CCDC174: variants seen among roughly 807,000 people sequenced by gnomAD.
CCDC174 encodes coiled-coil domain containing 174.
CCDC174 carries 37 observed loss-of-function variants against 57.1 expected under a neutral mutation model. That is an observed-to-expected ratio of 0.65 (90% CI 0.50 to 0.85). CCDC174 has a LOEUF of 0.85. CCDC174 is among the 40% of genes least tolerant of loss of function. CCDC174 has a pLI of 0.00. For missense variants in CCDC174, 540 were observed against 574.3 expected (o/e 0.94, Z 0.61); for synonymous variants, 182 against 190.2 (o/e 0.96, Z 0.35).
chr3:14,660,957 G>C (rs2031112350), intron 4 of CCDC174, among the ~76,000 whole-genome samples: 1 of 152,238 alleles, frequency 6.6e-6, no homozygotes, highest in African/African-American at 2.4e-5. Flanking sequence ...TGCAGGCAGA[G>C]GGTGTCTTGC....
intron 5 of CCDC174, among the ~76,000 whole-genome samples, chr3:14,664,719 T>G (rs952316500): frequency 6.6e-6 from 1 of 152,240 alleles, no homozygotes; most frequent in African/African-American, 2.4e-5. Context: ...TTGTCTCAAC[T>G]AGGTTAAAGT....
chr3:14,668,259 T>C, intron 9 of CCDC174, 78 bp downstream of exon 9: 1 of 1,380,590 alleles, frequency 7.2e-7, no homozygotes, highest in Non-Finnish European at 9.9e-7. Context: ...GGGCTGGCAA[T>C]GTGAAAATTA....
chr3:14,664,983 A>C, intron 5 of CCDC174, 45 bp from the exon 6 acceptor site: 1 of 1,389,920 alleles, frequency 7.2e-7, no homozygotes, highest in Non-Finnish European at 1.0e-6. Flanking sequence ...AGGGGCTTGT[A>C]CATGTGTACA....
intron 6 of CCDC174, 93 bp from the exon 7 acceptor site, chr3:14,666,708 CAAAT>C (rs1371964423): frequency 1.0e-6 from 1 of 963,584 alleles, no homozygotes; most frequent in Non-Finnish European, 1.5e-6. Flanking sequence ...TTTTCTTTAT[CAAAT>C]AGTGTTACTT....
intron 1 of CCDC174, among the ~76,000 whole-genome samples, chr3:14,652,754 T>C (rs2124827166): frequency 6.6e-6 from 1 of 151,952 alleles, no homozygotes; most frequent in East Asian, 1.9e-4. Context: ...ATAAAAAAAT[T>C]AGCCGGGCGT....
intron 3 of CCDC174, 50 bp downstream of exon 3, chr3:14,655,679 C>G (rs745353581): frequency 1.7e-6 from 2 of 1,211,900 alleles, no homozygotes; most frequent in East Asian, 2.4e-5. Context: ...GCTACCCAGG[C>G]AGAGAAATGG....
Position 14,667,270 on chromosome 3 carries a change from G to A in CCDC174, c.725-154G>A. ...TTGGTCTAACTTTTGTGTTTCTTTG[G>A]TTTTTTGTTTCTTCGCTTAGCTGTT... On this transcript the variant is annotated intron_variant, in intron 7 of 10. Coordinates refer to ENST00000383794, the MANE Select transcript of CCDC174 (RefSeq NM_016474.5). 3.0e-6 allele frequency: 2 copies of A among 676,732 alleles called. 1 individual carries two copies. Among genetic ancestry groups the A allele is most frequent in the Non-Finnish European group, 5.0e-6 (2 of 398,788 alleles). 41.9% of individuals were successfully genotyped at this position (676,732 alleles called of 1,614,324 possible).
chr3:14,664,513 TAAG>T (rs2031254048), intron 5 of CCDC174, among the ~76,000 whole-genome samples: 1 of 152,158 alleles, frequency 6.6e-6, no homozygotes, highest in African/African-American at 2.4e-5. Flanking sequence ...TCCTCCTAAT[TAAG>T]AAGAGTCCAA....
At chr3:14,658,388 C>T (rs908321107) in intron 3 of CCDC174, among the ~76,000 whole-genome samples, 2 of 152,344 alleles carry the variant, frequency 1.3e-5, no homozygotes, top group Non-Finnish European at 2.9e-5. Flanking sequence ...CTTCTCTTTA[C>T]CATCATTAAG....
At chr3:14,655,448 GT>G (rs74694927) in intron 2 of CCDC174, 80 bp from the exon 3 acceptor site, 7,634 of 662,772 alleles carry the variant, frequency 0.012, no homozygotes, top group South Asian at 0.017. Flanking sequence ...GATCTCCTTT[GT>G]TTTTTTTTTT....
At chr3:14,655,415 T>G in intron 2 of CCDC174, 114 bp from the exon 3 acceptor site, 1 of 608,392 alleles carries the variant, frequency 1.6e-6, no homozygotes, top group South Asian at 2.4e-5. Context: ...TCTAGTTATC[T>G]CCATTGATTC....
At chr3:14,655,472 G>A (rs893916592) in intron 2 of CCDC174, 57 bp from the exon 3 acceptor site, 94 of 1,063,048 alleles carry the variant, frequency 8.8e-5, no homozygotes, top group Non-Finnish European at 1.2e-4. Context: ...TGATGCACAA[G>A]TAGAGATTTT....
In CCDC174 at chr3:14,669,990, C is replaced by T; in HGVS notation, c.1009C>T (p.Pro337Ser). Residue 337 changes from proline (P) to serine (S), a missense_variant, in exon 10 of 11, where the codon CCT (proline) becomes TCT (serine). Transcript: ENST00000383794. ...PEPEAVPTPR[P>S]AAQSSKVEVI... is the part of the protein sequence containing the mutation. ...GCCAGAGGCTGTGCCAACCCCACGT[C>T]CTGCTGCCCAGAGTAGCAAAGTAGA... 1 of 1,613,392 alleles carries T rather than the reference C, an allele frequency of 6.2e-7. No individual in the cohort carries two copies. The highest frequency in any genetic ancestry group is 8.5e-7 in the Non-Finnish European group (1 of 1,179,812).
At chr3:14,667,051 T>G in intron 7 of CCDC174, 104 bp downstream of exon 7, 1 of 977,630 alleles carries the variant, frequency 1.0e-6, no homozygotes, top group Non-Finnish European at 1.5e-6. Context: ...ACATGGAAAT[T>G]AAAGATCCTG....
chr3:14,667,533 C>T lies in CCDC174; in HGVS notation c.819+15C>T. The T allele has an allele frequency of 6.3e-7, 1 of 1,591,050 alleles. No homozygotes were observed. Among genetic ancestry groups the T allele is most frequent in the East Asian group, 2.2e-5 (1 of 44,738 alleles). On this transcript the variant is annotated intron_variant, in intron 8 of 10. Transcript: ENST00000383794. ...TGCGTGAACAGGTACAGATAAATCC[C>T]AAGTGACTGTGAGGAAAGATGTGAG...
chr3:14,660,732 C>A (rs1298923435), intron 4 of CCDC174, among the ~76,000 whole-genome samples: 1 of 152,156 alleles, frequency 6.6e-6, no homozygotes, highest in Non-Finnish European at 1.5e-5. Context: ...AAAACACCAC[C>A]CCTGGTAATA....
At chr3:14,669,081 C>T (rs4684237) in intron 9 of CCDC174, among the ~76,000 whole-genome samples, 30,218 of 152,078 alleles carry the variant, frequency 0.2, 3,330 homozygotes, top group Admixed American at 0.27. Flanking sequence ...AGAGCTCAGT[C>T]CTGTGGGCCA....
At chr3:14,657,904 T>G (rs931093412) in intron 3 of CCDC174, among the ~76,000 whole-genome samples, 1 of 152,202 alleles carries the variant, frequency 6.6e-6, no homozygotes, top group African/African-American at 2.4e-5. Flanking sequence ...ACCTGACACT[T>G]GTTGCTTTGT....
At chr3:14,661,865 A>G in intron 5 of CCDC174, 158 bp downstream of exon 5, 2 of 594,212 alleles carry the variant, frequency 3.4e-6, no homozygotes, top group Non-Finnish European at 5.8e-6. Context: ...AGGTTATTAT[A>G]GTTGTAAAAA....
Sources: allele counts gnomAD v4.1 joint callset (sites outside exome capture counted in the v4.1 genomes callset), GRCh38; gene constraint gnomAD v4.1.1; transcripts MANE v1.5; gene names NCBI Gene and HGNC (gene_info 2026-07-23, HGNC 2026-07-21).